CEP170: variants seen among roughly 807,000 people sequenced by gnomAD.
CEP170 encodes the protein centrosomal protein 170, also known as centrosomal protein of 170 kDa.
Under a neutral mutation model 151.9 loss-of-function variants are expected in CEP170, and 21 were observed. The observed-to-expected ratio is 0.14, with a 90% CI of 0.10 to 0.20. CEP170 has a LOEUF of 0.20. CEP170 is among the 10% of genes least tolerant of loss of function. The pLI is 1.00. For synonymous variants in CEP170, 356 were observed against 648.8 expected, an observed-to-expected ratio of 0.55 and a Z score of 6.86; for missense variants, 964 against 1,892.9, an observed-to-expected ratio of 0.51 and a Z score of 9.11.
chr1:243,220,738 T>A (rs2062723611), intron 3 of CEP170, among the ~76,000 whole-genome samples: 1 of 152,158 alleles, frequency 6.6e-6, no homozygotes, highest in African/African-American at 2.4e-5. Flanking sequence ...AGCAGAACCA[T>A]AAGCAAATGA....
chr1:243,213,912 T>A (rs1009165830), intron 3 of CEP170, among the ~76,000 whole-genome samples: 3 of 152,168 alleles, frequency 2.0e-5, no homozygotes, highest in Non-Finnish European at 4.4e-5. Context: ...GGTCTCACTA[T>A]GTCACCCAGG....
At chr1:243,203,197 A>G (rs368424217) in intron 4 of CEP170, among the ~76,000 whole-genome samples, 2 of 152,280 alleles carry the variant, frequency 1.3e-5, no homozygotes, top group South Asian at 4.1e-4. Context: ...CTATGTAGCT[A>G]TTTTTAACTT....
At chr1:243,225,448 T>G in intron 1 of CEP170, 127 bp from the exon 2 acceptor site, 1 of 445,404 alleles carries the variant, frequency 2.2e-6, no homozygotes, top group Non-Finnish European at 3.9e-6. Context: ...AAATGAACTG[T>G]CCACAGGTCC....
chr1:243,183,987 G>A (rs1433827012), intron 10 of CEP170, among the ~76,000 whole-genome samples: 3 of 152,066 alleles, frequency 2.0e-5, no homozygotes, highest in African/African-American at 7.2e-5. Context: ...TGCTGTCCTG[G>A]CCAAGCTAGC....
chr1:243,202,188 T>TAAACTAGGAATTCTAAAGTA (rs2061088468), intron 4 of CEP170, among the ~76,000 whole-genome samples: 1 of 152,130 alleles, frequency 6.6e-6, no homozygotes, highest in Non-Finnish European at 1.5e-5. Context: ...CTAAGTAAAG[T>TAAACTAGGAATTCTAAAGTA]AACTCAGGAA....
chr1:243,204,998 A>G (rs546678386), intron 4 of CEP170, among the ~76,000 whole-genome samples: 8 of 152,298 alleles, frequency 5.3e-5, no homozygotes, highest in African/African-American at 9.6e-5. Flanking sequence ...GATCTCCCAG[A>G]GAAGGGCAAC....
intron 1 of CEP170, among the ~76,000 whole-genome samples, chr1:243,238,436 G>T (rs2064467796): frequency 6.6e-6 from 1 of 152,040 alleles, no homozygotes; most frequent in African/African-American, 2.4e-5. Flanking sequence ...TCTAGCTGGG[G>T]CAACACAGTG....
chr1:243,162,126 T>G (rs1411952604), intron 13 of CEP170, among the ~76,000 whole-genome samples: 1 of 152,314 alleles, frequency 6.6e-6, no homozygotes, highest in East Asian at 1.9e-4. Flanking sequence ...ACATCAGAAC[T>G]GCAAAGATTT....
intron 13 of CEP170, among the ~76,000 whole-genome samples, chr1:243,159,703 T>C (rs1463744767): frequency 1.3e-5 from 2 of 151,762 alleles, no homozygotes; most frequent in Admixed American, 1.3e-4. Context: ...CTCCCAGAGT[T>C]CAAAACGAAT....
At chr1:243,158,216 A>G (rs532983134) in intron 13 of CEP170, among the ~76,000 whole-genome samples, 41 of 152,340 alleles carry the variant, frequency 2.7e-4, no homozygotes, top group Admixed American at 5.9e-4. Flanking sequence ...GAAATAGTGT[A>G]AACAAATTTG....
chr1:243,126,536 C>G lies in CEP170; in HGVS notation c.4668G>C (p.Glu1556Asp). The change falls in exon 20 of 20, where the codon GAG (glutamate) becomes GAC (aspartate). Residue 1556 changes from glutamate (E) to aspartate (D), a missense_variant. By Grantham distance (45) the Glu-to-Asp change is conservative (BLOSUM62 2). Transcript: ENST00000366542. ...TGAAATCAGCCTCAGATTCAGCATT[C>G]TCAAATTCAGCTGCGGCTGAAACAG... ...PAAVSAAAEF[E>D]NAESEADFSI... 6.3e-7 allele frequency: 1 copy of G among 1,599,294 alleles called. No homozygotes were observed. The highest frequency in any genetic ancestry group is 8.5e-7 in the Non-Finnish European group (1 of 1,172,034).
At chr1:243,237,154 A>G (rs1260161660) in intron 1 of CEP170, among the ~76,000 whole-genome samples, 1 of 152,188 alleles carries the variant, frequency 6.6e-6, no homozygotes, top group Non-Finnish European at 1.5e-5. Flanking sequence ...TTACTGTATA[A>G]CAGTAAGTTG....
rs188427306 is a variant in CEP170, at chr1:243,133,939, A to G, written c.4319+2204T>C. Among the ~76,000 whole-genome samples the G allele has an allele frequency of 4.7e-4, 72 of 152,314 alleles. 2 individuals carry two copies. The East Asian group carries it at 0.013, about 27-fold the overall frequency. ...TTATAAACAGCATTCAACTAATTTA[A>G]TTTCTCTAAAATCAATTATAAGCCT... On this transcript the variant is annotated intron_variant, in intron 17 of 19. Transcript: ENST00000366542.
intron 1 of CEP170, among the ~76,000 whole-genome samples, chr1:243,239,038 C>G (rs915844776): frequency 6.6e-6 from 1 of 152,134 alleles, no homozygotes; most frequent in Non-Finnish European, 1.5e-5. Context: ...CTTTGAAAAC[C>G]CTGGGCTTCC....
chr1:243,192,654 T>C (rs1279792267), intron 7 of CEP170, among the ~76,000 whole-genome samples: 1 of 152,236 alleles, frequency 6.6e-6, no homozygotes, highest in Non-Finnish European at 1.5e-5. Context: ...TTCCAAACAT[T>C]TTCTAATTAA....
chr1:243,185,933 G>A lies in CEP170; in HGVS notation c.1412C>T (p.Pro471Leu), dbSNP rs757012645. 6.2e-7 allele frequency: 1 copy of A among 1,613,690 alleles called. No homozygotes were observed. Among genetic ancestry groups the A allele is most frequent in the Non-Finnish European group, 8.5e-7 (1 of 1,179,702 alleles). Residue 471 changes from proline (P) to leucine (L), a missense_variant, in exon 10 of 20, where the codon CCA (proline) becomes CTA (leucine). Coordinates refer to ENST00000366542, the MANE Select transcript of CEP170 (RefSeq NM_014812.3). The surrounding 1 kb of genome is among the most constrained non-coding windows in gnomAD (Gnocchi z 4.9). ...TAACATTTTATCCATCTCCTGGCTT[G>A]GTCTGTGCCCAAGACTCCCTGAACT... ...LRSSGSLGHRPSQEMDKMLKN... is the reference protein window; with the variant it reads ...LRSSGSLGHRLSQEMDKMLKN...
At chr1:243,252,545 C>T (rs2066035063) in intron 1 of CEP170, among the ~76,000 whole-genome samples, 1 of 151,816 alleles carries the variant, frequency 6.6e-6, no homozygotes, top group African/African-American at 2.4e-5. Flanking sequence ...AAATAAATCA[C>T]GAAGCACAGA....
rs565238022 is a variant in CEP170 at position 243,203,222 on chromosome 1, A to G, written c.275-2387T>C. Among the ~76,000 whole-genome samples the G allele has an allele frequency of 2.5e-4, 38 of 152,298 alleles. No homozygotes were observed. The South Asian group carries it at 6.6e-3, about 27-fold the overall frequency. On this transcript the variant is annotated intron_variant, in intron 4 of 19. Transcript: ENST00000366542. ...ATTTTTAACTTGCTAATCAAGAAAA[A>G]TGACAAACAGAGGTAGAATAACGCA...
intron 16 of CEP170, among the ~76,000 whole-genome samples, chr1:243,139,505 T>C (rs2055568922): frequency 6.6e-6 from 1 of 151,632 alleles, no homozygotes; most frequent in African/African-American, 2.4e-5. Context: ...TATTTCTACC[T>C]TCTTTATTTT....
Sources: allele counts gnomAD v4.1 joint callset (sites outside exome capture counted in the v4.1 genomes callset), GRCh38; gene constraint gnomAD v4.1.1; non-coding constraint Gnocchi (gnomAD v3.1); transcripts MANE v1.5; gene names NCBI Gene and HGNC (gene_info 2026-07-23, HGNC 2026-07-21).